Variants in ZNF131 observed in about 807,000 individuals in gnomAD.
ZNF131 encodes the protein zinc finger protein 131.
A neutral mutation model predicts 60.0 loss-of-function variants in ZNF131; 7 were observed. That is an observed-to-expected ratio of 0.12 (90% CI 0.07 to 0.22). ZNF131 has a LOEUF of 0.22. Among genes scored for constraint, ZNF131 ranks in the 10% least tolerant of loss-of-function variants. The probability of loss-of-function intolerance (pLI) is 1.00; values close to 1 mark genes in which losing one functional copy is unlikely to be tolerated. For missense variants in ZNF131, 493 were observed against 740.9 expected, an observed-to-expected ratio of 0.67 and a Z score of 3.88; for synonymous variants, 257 against 253.2, an observed-to-expected ratio of 1.01 and a Z score of -0.14.
At chr5:43,148,949 G>A (rs1345464903) in intron 4 of ZNF131, among the ~76,000 whole-genome samples, 1 of 152,106 alleles carries the variant, frequency 6.6e-6, no homozygotes, top group Non-Finnish European at 1.5e-5. Context: ...TAATAGTATG[G>A]TAGTGCTTGT....
chr5:43,138,322 G>A (rs1746389777), intron 3 of ZNF131, among the ~76,000 whole-genome samples: 2 of 152,284 alleles, frequency 1.3e-5, no homozygotes, highest in South Asian at 4.2e-4. Flanking sequence ...TATAACCAGA[G>A]ATGAAATGAT....
intron 3 of ZNF131, among the ~76,000 whole-genome samples, chr5:43,133,315 A>T (rs559669738): frequency 6.6e-6 from 1 of 152,104 alleles, no homozygotes; most frequent in Non-Finnish European, 1.5e-5. Context: ...AATACAAAAA[A>T]TTAGCCAGGC....
intron 3 of ZNF131, chr5:43,123,515 G>T (rs975796631): frequency 7.3e-6 from 3 of 409,182 alleles, no homozygotes; most frequent in Admixed American, 4.3e-5. Flanking sequence ...CTTACTTTCA[G>T]TGAAGTGCTT....
intron 3 of ZNF131, among the ~76,000 whole-genome samples, chr5:43,131,291 G>C (rs1442652021): frequency 6.6e-6 from 1 of 152,096 alleles, no homozygotes; most frequent in East Asian, 1.9e-4. Context: ...TCCTGCCTCA[G>C]CCTCCCGAGT....
intron 1 of ZNF131, chr5:43,121,526 G>A (rs969287329): frequency 6.6e-6 from 1 of 152,458 alleles, no homozygotes; most frequent in Non-Finnish European, 1.5e-5. Context: ...GGTGTGCGTC[G>A]ACGTAAGTGA....
At chr5:43,135,284 T>G (rs1247090383) in intron 3 of ZNF131, among the ~76,000 whole-genome samples, 2 of 145,936 alleles carry the variant, frequency 1.4e-5, no homozygotes, top group South Asian at 4.6e-4. Context: ...TGTGAGCCAC[T>G]GCGCCCGGCC....
At chr5:43,147,865 G>A (rs1747813204) in intron 4 of ZNF131, among the ~76,000 whole-genome samples, 1 of 151,692 alleles carries the variant, frequency 6.6e-6, no homozygotes, top group Admixed American at 6.6e-5. Flanking sequence ...GACCAGCCTG[G>A]CAACATGGTG....
At chr5:43,154,417 A>AG (rs1426706069) in intron 4 of ZNF131, among the ~76,000 whole-genome samples, 8 of 151,734 alleles carry the variant, frequency 5.3e-5, no homozygotes, top group Middle Eastern at 6.8e-3. Flanking sequence ...CCGTCTCCAA[A>AG]AAAAAAAAAA....
intron 4 of ZNF131, among the ~76,000 whole-genome samples, chr5:43,141,305 A>T (rs1746792627): frequency 6.6e-6 from 1 of 152,186 alleles, no homozygotes; most frequent in South Asian, 2.1e-4. Context: ...CTGAGGATAT[A>T]AACCTGATCA....
At chr5:43,128,824 C>T (rs1744928276) in intron 3 of ZNF131, among the ~76,000 whole-genome samples, 1 of 151,980 alleles carries the variant, frequency 6.6e-6, no homozygotes, top group African/African-American at 2.4e-5. Context: ...CATCATGGCT[C>T]ATTGCAACCT....
intron 3 of ZNF131, among the ~76,000 whole-genome samples, chr5:43,137,405 A>C (rs1746258439): frequency 6.6e-6 from 1 of 151,510 alleles, no homozygotes; most frequent in Admixed American, 6.6e-5. Flanking sequence ...TGCAGAAAAA[A>C]ATTAAATTAA....
At chr5:43,133,975 C>T (rs938767069) in intron 3 of ZNF131, among the ~76,000 whole-genome samples, 5 of 152,086 alleles carry the variant, frequency 3.3e-5, no homozygotes, top group South Asian at 2.1e-4. Context: ...AATGCCAGTC[C>T]TTCTCATAGC....
chr5:43,147,582 T>A (rs71590639), intron 4 of ZNF131, among the ~76,000 whole-genome samples: 13,319 of 150,990 alleles, frequency 0.088, 788 homozygotes, highest in East Asian at 0.19. Flanking sequence ...CACACCCGGC[T>A]AATTTTTTTC....
At chr5:43,139,027 A>T in intron 3 of ZNF131, 138 bp from the exon 4 acceptor site, 1 of 664,066 alleles carries the variant, frequency 1.5e-6, no homozygotes, top group Non-Finnish European at 2.3e-6. Flanking sequence ...TTGTATTGCT[A>T]ATGAGAATTT....
chr5:43,136,874 A>C (rs1746184719), intron 3 of ZNF131, among the ~76,000 whole-genome samples: 1 of 151,934 alleles, frequency 6.6e-6, no homozygotes, highest in African/African-American at 2.4e-5. Context: ...ATACAGACCA[A>C]AGGAGCAGAA....
intron 5 of ZNF131, 44 bp downstream of exon 5, chr5:43,161,975 A>G (rs1178199603): frequency 3.3e-6 from 5 of 1,506,210 alleles, no homozygotes; most frequent in South Asian, 2.7e-5. Flanking sequence ...TCCCACATGC[A>G]CTTCAAATTT....
At position 43,121,117 on chromosome 5, in the gene ZNF131, G is replaced by C. The variant is rs1403143248; in HGVS notation, c.-22G>C. The stretch of plus-strand genomic sequence containing the variant: ...ACGGAGAGGAAGGAGGGCGACCCAC[G>C]AGCTAGGTAAGGCGGGCCAACCCAG... On this transcript the variant is annotated 5_prime_UTR_variant, in exon 1 of 7. Coordinates refer to ENST00000682664, the MANE Select transcript of ZNF131 (RefSeq NM_001330707.2). 2 of 151,706 alleles carry C rather than the reference G, an allele frequency of 1.3e-5. No homozygotes were observed. The highest frequency in any genetic ancestry group is 1.3e-4 in the Admixed American group (2 of 15,184). The allele number at this position is 151,706 out of a possible 1,614,324, so 9.4% of individuals were successfully genotyped here.
chr5:43,143,920 T>C (rs1747204356), intron 4 of ZNF131, among the ~76,000 whole-genome samples: 6 of 124,376 alleles, frequency 4.8e-5, no homozygotes, highest in East Asian at 2.4e-4. Context: ...TTTTTTTTTT[T>C]TTTTTTTTTT....
At chr5:43,130,659 G>T (rs532150667) in intron 3 of ZNF131, among the ~76,000 whole-genome samples, 1 of 152,134 alleles carries the variant, frequency 6.6e-6, no homozygotes, top group Non-Finnish European at 1.5e-5. Context: ...CCGCCTCCCG[G>T]GTTCAAGCGA....
Sources: allele counts gnomAD v4.1 joint callset (sites outside exome capture counted in the v4.1 genomes callset), GRCh38; gene constraint gnomAD v4.1.1; transcripts MANE v1.5; gene names NCBI Gene and HGNC (gene_info 2026-07-23, HGNC 2026-07-21).